PLXNA4: variants seen among roughly 807,000 people sequenced by gnomAD.
PLXNA4 encodes plexin-A4.
In PLXNA4, 44 loss-of-function variants were observed where a neutral mutation model predicts 191.8. That is an observed-to-expected ratio of 0.23 (90% CI 0.18 to 0.29). The LOEUF (loss-of-function observed/expected upper bound fraction) is 0.29, where lower values mean the gene tolerates loss of function less well. Among genes scored for constraint, PLXNA4 ranks in the 10% least tolerant of loss-of-function variants. The pLI, the probability that PLXNA4 is intolerant of heterozygous loss-of-function variation, is 1.00. For missense variants in PLXNA4, 1,800 were observed against 2,488.8 expected (o/e 0.72, Z 5.89); for synonymous variants, 1,082 against 1,009.5 (o/e 1.07, Z -1.36).
intron 3 of PLXNA4, among the ~76,000 whole-genome samples, chr7:132,346,102 C>G (rs1308754839): frequency 6.6e-6 from 1 of 152,220 alleles, no homozygotes. Flanking sequence ...TTCCCGCAGA[C>G]AGCTGTGGGC....
chr7:132,630,637 A>C (rs1803475464), intron 2 of PLXNA4, among the ~76,000 whole-genome samples: 3 of 151,960 alleles, frequency 2.0e-5, no homozygotes, highest in Admixed American at 2.0e-4. Context: ...TCAGCCTCCC[A>C]AGTAGCTGGG....
chr7:132,439,995 A>AGTGTGTGT (rs3067108), intron 3 of PLXNA4, among the ~76,000 whole-genome samples: 2,747 of 150,176 alleles, frequency 0.018, 72 homozygotes, highest in African/African-American at 0.057. Context: ...TGCATGTGTG[A>AGTGTGTGT]GTGTGTGTGT....
Position 132,550,852 on chromosome 7 carries a change from C to T in PLXNA4, c.-87+25570G>A, listed in dbSNP as rs541635546. ...GACCTTAATCCTGGTCTCTCCCTGA[C>T]CTCCTGGCCACTCACACACCCAGTA... is the stretch of plus-strand genomic sequence containing the variant. On this transcript the variant is annotated intron_variant, in intron 1 of 31. Transcript: ENST00000321063. Among the ~76,000 whole-genome samples, 47 of 152,266 alleles carry T rather than the reference C, an allele frequency of 3.1e-4. 1 individual carries two copies. In the South Asian group the frequency reaches 9.5e-3, roughly 31 times the overall value.
At chr7:132,353,377 G>T (rs919393656) in intron 3 of PLXNA4, among the ~76,000 whole-genome samples, 3 of 151,998 alleles carry the variant, frequency 2.0e-5, no homozygotes, top group Admixed American at 1.3e-4. Context: ...CTTAGCATCA[G>T]TGCAATGCCA....
At chr7:132,594,276 T>C (rs981912601) in intron 2 of PLXNA4, among the ~76,000 whole-genome samples, 3 of 152,196 alleles carry the variant, frequency 2.0e-5, no homozygotes, top group Non-Finnish European at 2.9e-5. Flanking sequence ...GAATACCATG[T>C]TCTCCATATG....
At chr7:132,204,961 C>T (rs1241820849) in intron 10 of PLXNA4, among the ~76,000 whole-genome samples, 5 of 152,166 alleles carry the variant, frequency 3.3e-5, no homozygotes, top group South Asian at 4.1e-4. Flanking sequence ...CCTGGCAACG[C>T]GTGCCAGGGC....
intron 4 of PLXNA4, among the ~76,000 whole-genome samples, chr7:132,282,100 A>T (rs1023628289): frequency 1.3e-5 from 2 of 152,216 alleles, no homozygotes; most frequent in African/African-American, 4.8e-5. Flanking sequence ...GACACTAGCT[A>T]GTATCAACAC....
chr7:132,335,877 G>A (rs1295332851), intron 3 of PLXNA4, among the ~76,000 whole-genome samples: 1 of 152,188 alleles, frequency 6.6e-6, no homozygotes, highest in Non-Finnish European at 1.5e-5. Flanking sequence ...TCCCATTCTA[G>A]GAGGGAAGTG....
intron 28 of PLXNA4, among the ~76,000 whole-genome samples, chr7:132,146,099 A>AAAAAG (rs1562881739): frequency 3.3e-5 from 5 of 150,354 alleles, no homozygotes; most frequent in Non-Finnish European, 5.9e-5. Context: ...AAAAAAAAAA[A>AAAAAG]AAAAGAAAAG....
At chr7:132,169,700 AGG>A (rs1202454183) in intron 21 of PLXNA4, among the ~76,000 whole-genome samples, 3 of 151,942 alleles carry the variant, frequency 2.0e-5, no homozygotes, top group Admixed American at 2.0e-4. Flanking sequence ...TGTAACTAAA[AGG>A]GGGCACCCCG....
intron 3 of PLXNA4, among the ~76,000 whole-genome samples, chr7:132,310,699 A>G (rs866759272): frequency 2.6e-5 from 4 of 152,064 alleles, no homozygotes; most frequent in African/African-American, 4.8e-5. Context: ...CAAATAAATA[A>G]CCCAGGGAGT....
At chr7:132,468,384 T>C (rs2117399004) in intron 3 of PLXNA4, among the ~76,000 whole-genome samples, 1 of 152,308 alleles carries the variant, frequency 6.6e-6, no homozygotes, top group Middle Eastern at 3.4e-3. Flanking sequence ...ATGTATTCTA[T>C]ATCAATAATT....
At chr7:132,639,599 C>T (rs960381654) in intron 2 of PLXNA4, among the ~76,000 whole-genome samples, 4 of 152,222 alleles carry the variant, frequency 2.6e-5, no homozygotes, top group South Asian at 2.1e-4. Context: ...TTTACCTCTG[C>T]GTTGAGTCAA....
intron 3 of PLXNA4, among the ~76,000 whole-genome samples, chr7:132,411,584 CT>C (rs1794462939): frequency 6.6e-6 from 1 of 152,206 alleles, no homozygotes; most frequent in Admixed American, 6.5e-5. Flanking sequence ...CAGCTAGGCC[CT>C]GATTTCAACT....
At chr7:132,497,832 AC>A (rs1798088343) in intron 2 of PLXNA4, among the ~76,000 whole-genome samples, 1 of 152,164 alleles carries the variant, frequency 6.6e-6, no homozygotes, top group African/African-American at 2.4e-5. Context: ...GAGGGCTCAT[AC>A]ACTCAGTTAC....
chr7:132,175,715 C>A (rs1450062810), intron 20 of PLXNA4, among the ~76,000 whole-genome samples: 1 of 152,170 alleles, frequency 6.6e-6, no homozygotes, highest in Non-Finnish European at 1.5e-5. Flanking sequence ...AAACATCCTC[C>A]CCCAGGGCCA....
chr7:132,321,873 C>T lies in PLXNA4; in HGVS notation c.1372-23651G>A, dbSNP rs545057653. Among the ~76,000 whole-genome samples the T allele has an allele frequency of 4.6e-5, 7 of 151,554 alleles. No individual in the cohort carries two copies. The South Asian group carries it at 8.4e-4, about 18-fold the overall frequency. On this transcript the variant is annotated intron_variant, in intron 3 of 31. Coordinates refer to ENST00000321063, the MANE Select transcript of PLXNA4 (RefSeq NM_020911.2). ...GGGGAGGAGGGAAGCCTGGGTGGGG[C>T]GGAGGGGGCATAGGAAGTCCTAAAC... is the stretch of plus-strand genomic sequence containing the variant.
At chr7:132,615,939 C>CTCTCTCTCTCTT (rs958329384) in intron 2 of PLXNA4, among the ~76,000 whole-genome samples, 6 of 148,482 alleles carry the variant, frequency 4.0e-5, no homozygotes, top group Non-Finnish European at 8.9e-5. Flanking sequence ...CTCTCTCTCT[C>CTCTCTCTCTCTT]TCTCTCTCTC....
intron 3 of PLXNA4, chr7:132,384,877 G>A (rs972464817): frequency 8.4e-6 from 10 of 1,189,090 alleles, no homozygotes; most frequent in African/African-American, 4.8e-5. Context: ...ACTATATTCC[G>A]ATGGGAGAAT....
Sources: gnomAD v4.1 joint callset for allele counts (sites outside exome capture counted in the v4.1 genomes callset) on GRCh38, gnomAD v4.1.1 for gene constraint, MANE v1.5 for transcripts, NCBI Gene and HGNC (gene_info 2026-07-23, HGNC 2026-07-21) for gene names.